The following SKAP1 variants were observed in gnomAD, a reference collection of about 807,000 sequenced individuals.
SKAP1 encodes the protein src kinase associated phosphoprotein 1, also known as src kinase-associated phosphoprotein 1.
In SKAP1, 44 loss-of-function variants were observed where a neutral mutation model predicts 58.5. That is an observed-to-expected ratio of 0.75 (90% CI 0.59 to 0.97). The LOEUF (loss-of-function observed/expected upper bound fraction) is 0.97, where lower values mean the gene tolerates loss of function less well. Among genes scored for constraint, SKAP1 ranks in the 50% least tolerant of loss-of-function variants. The pLI, the probability that SKAP1 is intolerant of heterozygous loss-of-function variation, is 0.00. For missense variants in SKAP1, 390 were observed against 435.2 expected (o/e 0.90, Z 0.92); for synonymous variants, 127 against 149.7 (o/e 0.85, Z 1.11).
intron 4 of SKAP1, among the ~76,000 whole-genome samples, chr17:48,228,221 G>T (rs1455663273): frequency 6.6e-6 from 1 of 151,980 alleles, no homozygotes; most frequent in African/African-American, 2.4e-5. Flanking sequence ...TAGAGAGATT[G>T]AATGAGCATG....
chr17:48,189,548 T>A (rs965471640), intron 4 of SKAP1, 48 bp from the exon 5 acceptor site: 2 of 1,449,804 alleles, frequency 1.4e-6, no homozygotes, highest in Non-Finnish European at 1.9e-6. Flanking sequence ...GGCAAAATTT[T>A]CATTTATTTA....
intron 11 of SKAP1, among the ~76,000 whole-genome samples, chr17:48,156,837 C>A (rs1405940954): frequency 1.3e-5 from 2 of 152,126 alleles, no homozygotes; most frequent in Non-Finnish European, 2.9e-5. Context: ...GCTCTCAGAC[C>A]AGGAAAGGCA....
intron 1 of SKAP1, among the ~76,000 whole-genome samples, chr17:48,423,379 C>T (rs954580402): frequency 6.6e-6 from 1 of 152,118 alleles, no homozygotes; most frequent in African/African-American, 2.4e-5. Flanking sequence ...TTCATGCCCA[C>T]AGCTAAGTTT....
chr17:48,175,971 T>C (rs1225200657), intron 9 of SKAP1, among the ~76,000 whole-genome samples: 3 of 152,194 alleles, frequency 2.0e-5, no homozygotes, highest in Non-Finnish European at 4.4e-5. Flanking sequence ...ATAAACTTTG[T>C]ATTTTTGGTC....
At chr17:48,231,274 C>T (rs1385331423) in intron 4 of SKAP1, among the ~76,000 whole-genome samples, 1 of 151,778 alleles carries the variant, frequency 6.6e-6, no homozygotes, top group Non-Finnish European at 1.5e-5. Context: ...TTCTATTATG[C>T]TTCCATGTTT....
At chr17:48,250,428 G>A (rs749234344) in intron 4 of SKAP1, among the ~76,000 whole-genome samples, 8 of 151,032 alleles carry the variant, frequency 5.3e-5, no homozygotes, top group African/African-American at 9.7e-5. Context: ...GATTACAGGC[G>A]TGCACCACCG....
chr17:48,386,453 C>T (rs2067277733), intron 2 of SKAP1, among the ~76,000 whole-genome samples: 1 of 151,940 alleles, frequency 6.6e-6, no homozygotes, highest in African/African-American at 2.4e-5. Flanking sequence ...TGTTAATGTG[C>T]ATACTGTACA....
intron 11 of SKAP1, among the ~76,000 whole-genome samples, chr17:48,143,440 G>A (rs574804981): frequency 1.2e-3 from 186 of 151,648 alleles, no homozygotes; most frequent in African/African-American, 4.3e-3. Flanking sequence ...TTGAACTCCT[G>A]AGCTCAAGTG....
chr17:48,145,877 A>G (rs574117448), intron 11 of SKAP1, among the ~76,000 whole-genome samples: 44 of 152,110 alleles, frequency 2.9e-4, no homozygotes, highest in African/African-American at 1.0e-3. Flanking sequence ...GTTCCAACAA[A>G]AGGAACTCAC....
At chr17:48,141,715 T>G (rs868512528) in intron 11 of SKAP1, among the ~76,000 whole-genome samples, 1 of 152,188 alleles carries the variant, frequency 6.6e-6, no homozygotes, top group Non-Finnish European at 1.5e-5. Context: ...AGGCCCTGCA[T>G]GACCCAGTCC....
intron 4 of SKAP1, among the ~76,000 whole-genome samples, chr17:48,223,038 T>C (rs1277204007): frequency 2.8e-5 from 3 of 106,790 alleles, no homozygotes; most frequent in African/African-American, 1.1e-4. Flanking sequence ...CACTCTAGCC[T>C]GGGCGACAGG....
rs1007384587 is a variant in SKAP1, at chr17:48,250,284, T to G, written c.281-60784A>C. On this transcript the variant is annotated intron_variant, in intron 4 of 12. Coordinates refer to ENST00000336915, the MANE Select transcript of SKAP1 (RefSeq NM_003726.4). ...GCTGCCATAGACAGTTTTTTTTTTT[T>G]TTTTTTTTTTTTTTTGAGATGGAGT... Among the ~76,000 whole-genome samples the G allele has an allele frequency of 3.5e-4, 42 of 121,664 alleles. 2 individuals are homozygous for G. Among genetic ancestry groups the G allele is most frequent in the South Asian group, 2.6e-3 (8 of 3,024 alleles). 79.8% of individuals were successfully genotyped at this position (121,664 alleles called of 152,430 possible).
At chr17:48,163,068 C>T (rs1244243408) in intron 10 of SKAP1, among the ~76,000 whole-genome samples, 1 of 152,124 alleles carries the variant, frequency 6.6e-6, no homozygotes, top group African/African-American at 2.4e-5. Flanking sequence ...GGAACTTTGT[C>T]CTGGGAACTT....
the SKAP1 span, among the ~76,000 whole-genome samples, chr17:48,440,974 A>C: frequency 6.6e-6 from 1 of 152,196 alleles, no homozygotes; most frequent in Non-Finnish European, 1.5e-5. Flanking sequence ...ATGCAACCTC[A>C]GCAAAGAGTT....
chr17:48,159,129 G>T (rs2064033697), intron 11 of SKAP1, among the ~76,000 whole-genome samples: 1 of 152,108 alleles, frequency 6.6e-6, no homozygotes, highest in African/African-American at 2.4e-5. Context: ...AGAGAGAGAG[G>T]GGGAAACCAG....
intron 2 of SKAP1, 95 bp from the exon 3 acceptor site, chr17:48,363,909 G>T: frequency 2.1e-6 from 2 of 931,678 alleles, no homozygotes; most frequent in Admixed American, 2.6e-5. Flanking sequence ...GGTCCAAAAA[G>T]CTTGCTAAAG....
At chr17:48,156,471 A>G (rs772132659) in intron 11 of SKAP1, 1 of 529,806 alleles carries the variant, frequency 1.9e-6, no homozygotes, top group Non-Finnish European at 3.9e-6. Flanking sequence ...AGCGCTAAAC[A>G]CCCTGCTGTG....
Position 48,146,816 on chromosome 17 carries a change from C to T in SKAP1, c.979-9479G>A, listed in dbSNP as rs531411424. Among the ~76,000 whole-genome samples, 29 of 152,138 alleles carry T rather than the reference C, an allele frequency of 1.9e-4. No homozygotes were observed. The East Asian group carries it at 4.5e-3, about 24-fold the overall frequency. On this transcript the variant is annotated intron_variant, in intron 11 of 12. Transcript: ENST00000336915. The stretch of plus-strand genomic sequence containing the variant: ...GCTAATTTTTGTATTTTAGTAGAGA[C>T]GGGGTTTCACCATGTTGGCCAGGCT...
chr17:48,194,689 T>C (rs757421246), intron 4 of SKAP1, among the ~76,000 whole-genome samples: 1 of 152,220 alleles, frequency 6.6e-6, no homozygotes, highest in South Asian at 2.1e-4. Context: ...GGAAAATAAA[T>C]AGTTTTTTAA....
Sources: allele counts gnomAD v4.1 joint callset (sites outside exome capture counted in the v4.1 genomes callset), GRCh38; gene constraint gnomAD v4.1.1; transcripts MANE v1.5; gene names NCBI Gene and HGNC (gene_info 2026-07-23, HGNC 2026-07-21).